SETD4: variants seen among roughly 807,000 people sequenced by gnomAD.
SETD4 encodes the protein SET domain-containing protein 4.
A neutral mutation model predicts 58.3 loss-of-function variants in SETD4; 46 were observed. The ratio of observed to expected loss-of-function variants is 0.79; its 90% CI spans 0.62 to 1.01. SETD4 has a LOEUF of 1.01. SETD4 is among the 50% of genes least tolerant of loss of function. The probability of loss-of-function intolerance (pLI) is 0.00; values close to 1 mark genes in which losing one functional copy is unlikely to be tolerated. For synonymous variants in SETD4, 190 were observed against 202.6 expected, an observed-to-expected ratio of 0.94 and a Z score of 0.53; for missense variants, 490 against 523.3, an observed-to-expected ratio of 0.94 and a Z score of 0.62.
chr21:36,036,048 A>G (rs986515488), intron 11 of SETD4, 37 bp downstream of exon 11: 2 of 1,602,992 alleles, frequency 1.2e-6, no homozygotes, highest in Non-Finnish European at 1.7e-6. Flanking sequence ...AATTTAGTCC[A>G]TCAAACCTTA....
chr21:36,040,722 C>G, intron 8 of SETD4, 67 bp from the exon 9 acceptor site: 2 of 1,394,814 alleles, frequency 1.4e-6, no homozygotes, highest in Non-Finnish European at 2.0e-6. Flanking sequence ...TAGCAAATGA[C>G]TGAAGAGCCA....
intron 5 of SETD4, 85 bp downstream of exon 5, chr21:36,048,223 A>C (rs2064448623): frequency 9.4e-7 from 1 of 1,065,896 alleles, no homozygotes; most frequent in Non-Finnish European, 1.5e-6. Context: ...GGTTCTAATG[A>C]ATTGTGTCTC....
intron 8 of SETD4, 32 bp from the exon 9 acceptor site, chr21:36,040,687 A>G (rs1568905575): frequency 6.4e-7 from 1 of 1,574,560 alleles, no homozygotes; most frequent in South Asian, 1.1e-5. Flanking sequence ...TGACAAATCC[A>G]TCATTTCAGT....
intron 3 of SETD4, among the ~76,000 whole-genome samples, chr21:36,053,905 G>A (rs73370457): frequency 0.012 from 1,852 of 152,244 alleles, 39 homozygotes; most frequent in African/African-American, 0.043. Context: ...CCTGCAGGAC[G>A]CTTTGGGCTG....
At chr21:36,046,132 AAC>A in intron 5 of SETD4, 121 bp from the exon 6 acceptor site, 1 of 1,056,328 alleles carries the variant, frequency 9.5e-7, no homozygotes, top group Admixed American at 2.7e-5. Context: ...CAGTTTACTT[AAC>A]AGACTCAAGA....
At chr21:36,036,578 T>C (rs1225771758) in intron 10 of SETD4, 1 of 907,342 alleles carries the variant, frequency 1.1e-6, no homozygotes, top group Non-Finnish European at 1.3e-6. Context: ...GTCTGGCTTA[T>C]TTCATTTCCA....
At position 36,058,592 on chromosome 21, in the gene SETD4, C is replaced by T. The variant is rs1022124255; in HGVS notation, c.73+224G>A. Among the ~76,000 whole-genome samples the T allele has an allele frequency of 2.0e-5, 3 of 152,042 alleles. No individual in the cohort carries two copies. The South Asian group carries it at 6.2e-4, about 32-fold the overall frequency. ...GTTAGGCCGAGCATGCTGGCTCACG[C>T]CTGTAGTCCCAGCTACTTGGGAGGC... On this transcript the variant is annotated intron_variant, in intron 2 of 11. Coordinates refer to ENST00000332131, the MANE Select transcript of SETD4 (RefSeq NM_017438.5).
chr21:36,058,755 C>A (rs552072927), intron 2 of SETD4, 61 bp downstream of exon 2: 4 of 1,519,614 alleles, frequency 2.6e-6, no homozygotes, highest in Non-Finnish European at 3.5e-6. Context: ...TACGTATGAA[C>A]AAACAAGCAA....
intron 3 of SETD4, among the ~76,000 whole-genome samples, chr21:36,055,344 G>A (rs1601284619): frequency 2.0e-5 from 3 of 152,260 alleles, no homozygotes; most frequent in Admixed American, 2.0e-4. Context: ...GATATACTAG[G>A]CAAAGTAGAA....
chr21:36,048,524 C>A, intron 4 of SETD4, 128 bp from the exon 5 acceptor site: 1 of 780,384 alleles, frequency 1.3e-6, no homozygotes, highest in South Asian at 1.5e-5. Context: ...CAAAAGCCAC[C>A]AATGAGCCTA....
chr21:36,048,132 G>A (rs2064444333), intron 5 of SETD4, among the ~76,000 whole-genome samples, 176 bp downstream of exon 5: 1 of 151,662 alleles, frequency 6.6e-6, no homozygotes, highest in Admixed American at 6.6e-5. Flanking sequence ...AGGCAGGAAG[G>A]CAGGGAGGGA....
intron 8 of SETD4, among the ~76,000 whole-genome samples, chr21:36,041,427 CACCT>C (rs936238194): frequency 1.5e-4 from 23 of 152,146 alleles, no homozygotes; most frequent in Non-Finnish European, 3.2e-4. Context: ...CCTCGCTACC[CACCT>C]ACCCCAAGAG....
chr21:36,058,176 G>A (rs1292289004), intron 2 of SETD4, among the ~76,000 whole-genome samples: 4 of 152,086 alleles, frequency 2.6e-5, no homozygotes, highest in African/African-American at 9.7e-5. Flanking sequence ...GAATACAATG[G>A]CACCATTAAA....
At position 36,053,640 on chromosome 21, in the gene SETD4, A is replaced by C. The variant is rs2064829436; in HGVS notation, c.170-20T>G. The C allele has an allele frequency of 6.2e-7, 1 of 1,613,354 alleles. No individual in the cohort carries two copies. On this transcript the variant is annotated intron_variant, in intron 3 of 11. Transcript: ENST00000332131. Reference sequence around the variant, plus strand: ...CTGTACCTAGGAAAGCAAAGACAGAAAGAGAGTAAATCCTACCATAACTTC... The same window carrying C: ...CTGTACCTAGGAAAGCAAAGACAGACAGAGAGTAAATCCTACCATAACTTC...
chr21:36,051,246 A>G (rs964794435), intron 4 of SETD4: 25 of 1,604,074 alleles, frequency 1.6e-5, no homozygotes, highest in Admixed American at 6.7e-5. Flanking sequence ...TGTTGACAAC[A>G]TAAGTGCAAG....
Position 36,046,023 on chromosome 21 carries a change from A to G in SETD4, c.297-12T>C. ...GAGGAGGCTTCCACCTTTGAAAATT[A>G]AAAGCCAGTTTAAAGGAATTACTTT... On this transcript the variant is annotated splice_polypyrimidine_tract_variant and intron_variant, in intron 5 of 11. Coordinates refer to ENST00000332131, the MANE Select transcript of SETD4 (RefSeq NM_017438.5). The G allele has an allele frequency of 6.2e-7, 1 of 1,602,560 alleles. No homozygotes were observed. Among genetic ancestry groups the G allele is most frequent in the Non-Finnish European group, 8.5e-7 (1 of 1,176,026 alleles).
At chr21:36,038,583 G>A (rs565751346) in intron 9 of SETD4, among the ~76,000 whole-genome samples, 15 of 152,278 alleles carry the variant, frequency 9.9e-5, no homozygotes, top group Admixed American at 7.8e-4. Context: ...TCCCGTTCCC[G>A]GCCATGGGAA....
chr21:36,051,420 T>A, intron 4 of SETD4: 1 of 1,441,896 alleles, frequency 6.9e-7, no homozygotes, highest in Non-Finnish European at 9.2e-7. Flanking sequence ...AAAACTTTCT[T>A]TCTTTTTTCT....
chr21:36,041,547 C>T (rs1185156618), intron 8 of SETD4, among the ~76,000 whole-genome samples: 1 of 152,226 alleles, frequency 6.6e-6, no homozygotes, highest in Non-Finnish European at 1.5e-5. Flanking sequence ...TCAACACATC[C>T]AAGCTCTCTT....
Sources: allele counts gnomAD v4.1 joint callset (sites outside exome capture counted in the v4.1 genomes callset), GRCh38; gene constraint gnomAD v4.1.1; transcripts MANE v1.5; gene names NCBI Gene and HGNC (gene_info 2026-07-23, HGNC 2026-07-21).